The following PIEZO2 variants were observed in gnomAD, a reference collection of about 807,000 sequenced individuals.
PIEZO2 encodes the protein piezo type mechanosensitive ion channel component 2.
A neutral mutation model predicts 337.3 loss-of-function variants in PIEZO2; 172 were observed. That is an observed-to-expected ratio of 0.51 (90% CI 0.45 to 0.58). PIEZO2 has a LOEUF of 0.58. Among genes scored for constraint, PIEZO2 ranks in the 20% least tolerant of loss-of-function variants. PIEZO2 has a pLI of 0.00. For missense variants in PIEZO2, 3,028 were observed against 3,391.3 expected, an observed-to-expected ratio of 0.89 and a Z score of 2.66; for synonymous variants, 1,251 against 1,228.5, an observed-to-expected ratio of 1.02 and a Z score of -0.38.
At chr18:11,049,795 C>T (rs540847385) in intron 2 of PIEZO2, among the ~76,000 whole-genome samples, 79 of 152,300 alleles carry the variant, frequency 5.2e-4, no homozygotes, top group African/African-American at 1.9e-3. Flanking sequence ...ATTGTGAGGC[C>T]TCCCCAGCCA....
At chr18:10,840,973 C>A (rs759080530) in intron 7 of PIEZO2, among the ~76,000 whole-genome samples, 6 of 152,158 alleles carry the variant, frequency 3.9e-5, no homozygotes, top group Non-Finnish European at 8.8e-5. Context: ...ATATGCAGTT[C>A]CTGATAAAGG....
At position 10,847,787 on chromosome 18, in the gene PIEZO2, A is replaced by G. The variant is rs1379036465; in HGVS notation, c.917+7566T>C. Among the ~76,000 whole-genome samples, 2 of 152,212 alleles carry G rather than the reference A, an allele frequency of 1.3e-5. No homozygotes were observed. The highest frequency in any genetic ancestry group is 2.9e-5 in the Non-Finnish European group (2 of 68,030). On this transcript the variant is annotated intron_variant, in intron 7 of 55. Coordinates refer to ENST00000674853, the MANE Select transcript of PIEZO2 (RefSeq NM_001378183.1). The surrounding 1 kb of genome is among the most constrained non-coding windows in gnomAD (Gnocchi z 5.7). ...ACTTCATCATTAAGCATCTTTTCAAAATGAAACCTACACTTGTTTATCATG... is the reference window on the plus strand; with the variant it reads ...ACTTCATCATTAAGCATCTTTTCAAGATGAAACCTACACTTGTTTATCATG...
chr18:10,790,125 T>A (rs2039359535), intron 14 of PIEZO2, among the ~76,000 whole-genome samples: 1 of 152,190 alleles, frequency 6.6e-6, no homozygotes, highest in Non-Finnish European at 1.5e-5. Context: ...CAAAATTAAC[T>A]GGTTAATTTA....
Position 10,748,556 on chromosome 18 carries a change from G to C in PIEZO2, c.4339C>G (p.Leu1447Val). The change falls in exon 30 of 56, where the codon CTC becomes GTC. Residue 1447 changes from leucine to valine, a missense_variant. Physicochemically the swap from Leu to Val is conservative, Grantham distance 32. Coordinates refer to ENST00000674853, the MANE Select transcript of PIEZO2 (RefSeq NM_001378183.1). This position sits in a 1 kb window ranked among gnomAD's most constrained non-coding sequence, Gnocchi z 5.1. Reference protein sequence around the residue: ...IIWDSICFAFLLLQRRVFMSY... With the variant: ...IIWDSICFAFVLLQRRVFMSY... ...ATGAAAACTCTTCTTTGCAGCAGGA[G>C]GAAGGCAAAACATATGCTGTCCCAA... The C allele has an allele frequency of 9.1e-6, 14 of 1,536,268 alleles. No individual in the cohort carries two copies. Among genetic ancestry groups the C allele is most frequent in the Non-Finnish European group, 1.2e-5 (14 of 1,146,416 alleles).
Position 11,105,277 on chromosome 18 carries a change from C to T in PIEZO2, c.65-39055G>A, listed in dbSNP as rs996203810. ...ACTGCAAACCAATATGGACTCACAACGCCCATTTGACACACTCAGTGCCTT... is the reference window on the plus strand; with the variant it reads ...ACTGCAAACCAATATGGACTCACAATGCCCATTTGACACACTCAGTGCCTT... On this transcript the variant is annotated intron_variant, in intron 1 of 55. Transcript: ENST00000674853. This position sits in a 1 kb window ranked among gnomAD's most constrained non-coding sequence, Gnocchi z 4.3. 7.9e-5 allele frequency among the ~76,000 whole-genome samples: 12 copies of T among 152,182 alleles called. No individual in the cohort carries two copies. Among genetic ancestry groups the T allele is most frequent in the South Asian group, 2.1e-4 (1 of 4,830 alleles).
At chr18:11,066,063 G>A in intron 2 of PIEZO2, 64 bp downstream of exon 2, 2 of 1,344,076 alleles carry the variant, frequency 1.5e-6, no homozygotes, top group Non-Finnish European at 2.0e-6. Context: ...GCCATCCCAA[G>A]GAGCCCAGCA....
At chr18:10,915,995 A>C (rs1304459686) in intron 3 of PIEZO2, among the ~76,000 whole-genome samples, 1 of 150,384 alleles carries the variant, frequency 6.6e-6, no homozygotes, top group Non-Finnish European at 1.5e-5. Context: ...GTGCATTTTC[A>C]AACCTTGAGC....
rs1465096647 is a variant in PIEZO2 at position 11,028,786 on chromosome 18, A to G, written c.160+37341T>C. Among the ~76,000 whole-genome samples the G allele has an allele frequency of 1.3e-5, 2 of 152,206 alleles. No individual in the cohort carries two copies. The highest frequency in any genetic ancestry group is 4.8e-5 in the African/African-American group (2 of 41,448). On this transcript the variant is annotated intron_variant, in intron 2 of 55. Transcript: ENST00000674853. The surrounding 1 kb of genome is among the most constrained non-coding windows in gnomAD (Gnocchi z 4.8). ...GCCAGCGTTGGCCATGGTGCTGTGC[A>G]GCTCATCAGGATTAGTCTTTCTTGT...
rs377002715 is a variant in PIEZO2 at position 11,075,820 on chromosome 18, G to C, written c.65-9598C>G. Among the ~76,000 whole-genome samples the C allele has an allele frequency of 2.9e-5, 4 of 136,600 alleles. 1 individual carries two copies. The South Asian group carries it at 6.8e-4, about 23-fold the overall frequency. The allele number at this position is 136,600 out of a possible 152,430, so 89.6% of individuals were successfully genotyped here. ...TTTTTTTTTTTTGAGACAGAGTCTC[G>C]CTCTGTCACCCAGGCTGGAGTGCAG... On this transcript the variant is annotated intron_variant, in intron 1 of 55. Coordinates refer to ENST00000674853, the MANE Select transcript of PIEZO2 (RefSeq NM_001378183.1).
intron 8 of PIEZO2, among the ~76,000 whole-genome samples, chr18:10,804,721 A>G (rs1296252317): frequency 6.6e-6 from 1 of 152,176 alleles, no homozygotes; most frequent in Admixed American, 6.5e-5. Context: ...AAGTCTCGAC[A>G]CTGACTTTTC....
Position 10,742,803 on chromosome 18 carries a change from T to C in PIEZO2, c.4515-188A>G, listed in dbSNP as rs57549461. On this transcript the variant is annotated intron_variant, in intron 31 of 55. Transcript: ENST00000674853. ...CCTTTCTTTTATATACATATTTGTG[T>C]GTGTGTGTGTGTGTGTGTGTGTGTG... 0.017 allele frequency among the ~76,000 whole-genome samples: 2,484 copies of C among 149,498 alleles called. 69 individuals carry two copies. The highest frequency in any genetic ancestry group is 0.059 in the African/African-American group (2,373 of 40,042).
chr18:10,955,333 G>A (rs1233277691), intron 3 of PIEZO2, among the ~76,000 whole-genome samples: 1 of 152,194 alleles, frequency 6.6e-6, no homozygotes, highest in Non-Finnish European at 1.5e-5. Context: ...CAAGGAGACA[G>A]CTATTGGCAT....
intron 4 of PIEZO2, among the ~76,000 whole-genome samples, chr18:10,897,722 T>C (rs1277260101): frequency 6.6e-6 from 1 of 152,242 alleles, no homozygotes; most frequent in Admixed American, 6.5e-5. Context: ...TAAGTGCACA[T>C]GTAACTTCTA....
In PIEZO2 at chr18:11,001,946, G is replaced by GAAGGAAGC; in HGVS notation, c.161-22287_161-22286insGCTTCCTT. On this transcript the variant is annotated intron_variant, in intron 2 of 55. Coordinates refer to ENST00000674853, the MANE Select transcript of PIEZO2 (RefSeq NM_001378183.1). The surrounding 1 kb of genome is among the most constrained non-coding windows in gnomAD (Gnocchi z 5.3). ...GGAAGGAAGGAAGGAAGGAAGGAAG[G>GAAGGAAGC]AAGAAAAAAAGACTTGGAAGGAGCC... 7.0e-6 allele frequency among the ~76,000 whole-genome samples: 1 copy of GAAGGAAGC among 143,346 alleles called. No individual in the cohort carries two copies. Among genetic ancestry groups the GAAGGAAGC allele is most frequent in the Non-Finnish European group, 1.5e-5 (1 of 65,154 alleles). The allele number at this position is 143,346 out of a possible 152,430, so 94.0% of individuals were successfully genotyped here.
At position 11,109,772 on chromosome 18, in the gene PIEZO2, A is replaced by G. The variant is rs1162764107; in HGVS notation, c.64+38753T>C. ...TTAATGCTAAGAAGCAAAAATGTGT[A>G]TGTGTTTGTCTATTCTGGATACAAG... On this transcript the variant is annotated intron_variant, in intron 1 of 55. Coordinates refer to ENST00000674853, the MANE Select transcript of PIEZO2 (RefSeq NM_001378183.1). The surrounding 1 kb of genome is among the most constrained non-coding windows in gnomAD (Gnocchi z 5.1). 7.2e-5 allele frequency among the ~76,000 whole-genome samples: 11 copies of G among 152,140 alleles called. No individual in the cohort carries two copies. In the East Asian group the frequency reaches 2.1e-3, roughly 29 times the overall value.
At chr18:11,072,104 T>G (rs188313688) in intron 1 of PIEZO2, among the ~76,000 whole-genome samples, 2 of 152,140 alleles carry the variant, frequency 1.3e-5, no homozygotes, top group African/African-American at 4.8e-5. Context: ...CTGGTACCCC[T>G]CAAGCCTATG....
intron 1 of PIEZO2, among the ~76,000 whole-genome samples, chr18:11,135,705 G>T (rs114469872): frequency 1.3e-5 from 2 of 152,094 alleles, no homozygotes; most frequent in African/African-American, 2.4e-5. Context: ...GTGCCATCAC[G>T]CCCAGCTAAT....
At position 10,966,624 on chromosome 18, in the gene PIEZO2, AT is replaced by A. The variant is rs1242186862; in HGVS notation, c.286+12910del. 5.3e-5 allele frequency among the ~76,000 whole-genome samples: 8 copies of A among 151,976 alleles called. No individual in the cohort carries two copies. In the East Asian group the frequency reaches 1.5e-3, roughly 29 times the overall value. On this transcript the variant is annotated intron_variant, in intron 3 of 55. Coordinates refer to ENST00000674853, the MANE Select transcript of PIEZO2 (RefSeq NM_001378183.1). ...TTATTTTTTTAATTTAATTTTAATT[AT>A]TTTTTATTTTTATAGGTTTTTGGGA...
rs1170912775 is a variant in PIEZO2 at position 10,748,254 on chromosome 18, A to T, written c.4424+217T>A. ...CAGTGAACCTCTGGCCTTCCATGGC[A>T]CCCCCATTCCTTGAGAAGTCTGATG... is the stretch of plus-strand genomic sequence containing the variant. On this transcript the variant is annotated intron_variant, in intron 30 of 55. Coordinates refer to ENST00000674853, the MANE Select transcript of PIEZO2 (RefSeq NM_001378183.1). The surrounding 1 kb of genome is among the most constrained non-coding windows in gnomAD (Gnocchi z 5.1). 6.6e-6 allele frequency among the ~76,000 whole-genome samples: 1 copy of T among 152,074 alleles called. No homozygotes were observed. Among genetic ancestry groups the T allele is most frequent in the Non-Finnish European group, 1.5e-5 (1 of 68,012 alleles).
Sources: gnomAD v4.1 joint callset for allele counts (sites outside exome capture counted in the v4.1 genomes callset) on GRCh38, gnomAD v4.1.1 for gene constraint, Gnocchi (gnomAD v3.1) non-coding constraint, MANE v1.5 for transcripts, NCBI Gene and HGNC (gene_info 2026-07-23, HGNC 2026-07-21) for gene names.